The following RNLS variants were observed in gnomAD, a reference collection of about 807,000 sequenced individuals.
RNLS encodes renalase.
Under a neutral mutation model 39.8 loss-of-function variants are expected in RNLS, and 39 were observed. The ratio of observed to expected loss-of-function variants is 0.98; its 90% CI spans 0.76 to 1.28. The LOEUF is 1.28. Among genes scored for constraint, RNLS ranks in the 50% most tolerant of loss-of-function variants. The pLI is 0.00. For synonymous variants in RNLS, 147 were observed against 150.7 expected (o/e 0.98, Z 0.18); for missense variants, 410 against 413.3 (o/e 0.99, Z 0.07).
chr10:88,213,901 C>T, the RNLS span, among the ~76,000 whole-genome samples: 1 of 152,234 alleles, frequency 6.6e-6, no homozygotes, highest in Non-Finnish European at 1.5e-5. Flanking sequence ...ATCATTAGGT[C>T]ACTTTAATTT....
At chr10:88,571,307 G>GA (rs1031704892) in intron 4 of RNLS, among the ~76,000 whole-genome samples, 4 of 151,748 alleles carry the variant, frequency 2.6e-5, no homozygotes, top group African/African-American at 9.7e-5. Context: ...TATTACAAAA[G>GA]AAAAAAATAA....
In RNLS at chr10:88,328,046, T is replaced by C. The variant is rs530388174; in HGVS notation, c.701-13405A>G. Reference sequence around the variant, plus strand: ...GCCTCGCATCCTGAGTGGCTGAGACTACAGGCGTGCACCACCATACCCAGC... The same window carrying C: ...GCCTCGCATCCTGAGTGGCTGAGACCACAGGCGTGCACCACCATACCCAGC... On this transcript the variant is annotated intron_variant, in intron 5 of 6. Coordinates refer to ENST00000331772, the MANE Select transcript of RNLS (RefSeq NM_001031709.3). Among the ~76,000 whole-genome samples the C allele has an allele frequency of 9.2e-5, 14 of 152,166 alleles. No homozygotes were observed. The South Asian group carries it at 2.9e-3, about 32-fold the overall frequency.
rs145991110 is a variant in RNLS at position 88,360,217 on chromosome 10, A to AT, written c.700+2334dup. Among the ~76,000 whole-genome samples the AT allele has an allele frequency of 8.2e-3, 1,246 of 152,240 alleles. 20 individuals are homozygous for AT. The highest frequency in any genetic ancestry group is 0.029 in the South Asian group (140 of 4,830). Reference sequence around the variant, plus strand: ...CCTTCCTTCTTCCTAACAAAACTCTATTTTATTCAGGTAGCACTCCTCATA... The same window carrying AT: ...CCTTCCTTCTTCCTAACAAAACTCTATTTTTATTCAGGTAGCACTCCTCATA... On this transcript the variant is annotated intron_variant, in intron 5 of 6. Transcript: ENST00000331772.
chr10:88,472,978 T>G (rs1799175452), intron 4 of RNLS, among the ~76,000 whole-genome samples: 1 of 152,232 alleles, frequency 6.6e-6, no homozygotes, highest in Non-Finnish European at 1.5e-5. Context: ...AAGGCAATTT[T>G]GTTGTTTTGC....
At chr10:88,314,321 T>A (rs1385251179) in intron 6 of RNLS, 145 bp downstream of exon 6, 2 of 778,410 alleles carry the variant, frequency 2.6e-6, no homozygotes, top group Non-Finnish European at 4.0e-6. Flanking sequence ...AAGTTATATT[T>A]ATGTGTTGGG....
At chr10:88,252,659 G>A in the RNLS span, among the ~76,000 whole-genome samples, 2 of 100,390 alleles carry the variant, frequency 2.0e-5, no homozygotes, top group East Asian at 3.0e-4. Context: ...TAATCACCCT[G>A]TCCTTGGTCC....
intron 4 of RNLS, among the ~76,000 whole-genome samples, chr10:88,473,942 C>T (rs1273934118): frequency 6.6e-6 from 1 of 152,044 alleles, no homozygotes; most frequent in Non-Finnish European, 1.5e-5. Context: ...ACAGCATGTT[C>T]CAGAATATGC....
intron 4 of RNLS, among the ~76,000 whole-genome samples, chr10:88,485,669 A>T (rs983592933): frequency 4.7e-5 from 7 of 148,388 alleles, no homozygotes; most frequent in Admixed American, 4.7e-4. Context: ...AACGAATATG[A>T]GCCATTTGCA....
At chr10:88,278,009 T>G (rs1007982838) in intron 6 of RNLS, among the ~76,000 whole-genome samples, 2 of 152,188 alleles carry the variant, frequency 1.3e-5, no homozygotes, top group Non-Finnish European at 2.9e-5. Context: ...TATAAAGTTT[T>G]TATTGTTTCA....
At chr10:88,332,661 T>C in intron 5 of RNLS, among the ~76,000 whole-genome samples, 1 of 152,370 alleles carries the variant, frequency 6.6e-6, no homozygotes, top group Non-Finnish European at 1.5e-5. Flanking sequence ...AATTGTATTC[T>C]TGTCAGCAGA....
chr10:88,373,270 T>A (rs140208431), intron 4 of RNLS, among the ~76,000 whole-genome samples: 46 of 152,286 alleles, frequency 3.0e-4, no homozygotes, highest in African/African-American at 1.0e-3. Context: ...AAGCACTGTT[T>A]GCAAACACCT....
chr10:88,378,472 T>C (rs999669645), intron 4 of RNLS, among the ~76,000 whole-genome samples: 1 of 152,204 alleles, frequency 6.6e-6, no homozygotes, highest in Non-Finnish European at 1.5e-5. Context: ...AAATAAAATT[T>C]TAAAATATTA....
At chr10:88,317,887 G>A (rs1316403965) in intron 5 of RNLS, among the ~76,000 whole-genome samples, 1 of 152,186 alleles carries the variant, frequency 6.6e-6, no homozygotes. Flanking sequence ...CTGTGCTAAG[G>A]GGTAGTGGGT....
rs1178697645 is a variant in RNLS at position 88,533,317 on chromosome 10, GA to G, written c.526+39585del. 2.6e-5 allele frequency among the ~76,000 whole-genome samples: 4 copies of G among 151,988 alleles called. No homozygotes were observed. In the East Asian group the frequency reaches 7.7e-4, roughly 29 times the overall value. On this transcript the variant is annotated intron_variant, in intron 4 of 6. Coordinates refer to ENST00000331772, the MANE Select transcript of RNLS (RefSeq NM_001031709.3). ...CTTTTGGCTGAGGATAGAATAAAAG[GA>G]TAAAAGGAGGCAGCCTTGAAGGATG...
chr10:88,424,096 T>G (rs1022961162), intron 4 of RNLS, among the ~76,000 whole-genome samples: 1 of 152,204 alleles, frequency 6.6e-6, no homozygotes, highest in African/African-American at 2.4e-5. Flanking sequence ...GATTACCACA[T>G]GGCATGATGT....
At chr10:88,405,947 G>C (rs2133670483) in intron 4 of RNLS, among the ~76,000 whole-genome samples, 2 of 152,176 alleles carry the variant, frequency 1.3e-5, no homozygotes, top group South Asian at 4.1e-4. Context: ...GCATTTGCTT[G>C]TCTGAAAAAT....
chr10:88,479,008 T>C (rs1843992797), intron 4 of RNLS, among the ~76,000 whole-genome samples: 1 of 152,128 alleles, frequency 6.6e-6, no homozygotes, highest in South Asian at 2.1e-4. Context: ...TATTTCTTCA[T>C]CTGTAAGATG....
At chr10:88,565,330 C>T (rs1025777634) in intron 4 of RNLS, among the ~76,000 whole-genome samples, 1 of 152,018 alleles carries the variant, frequency 6.6e-6, no homozygotes, top group Non-Finnish European at 1.5e-5. Flanking sequence ...AAGCCTAAGA[C>T]GTCTAATAAT....
chr10:88,269,733 C>T (rs1436322669), downstream of RNLS, among the ~76,000 whole-genome samples: 2 of 152,182 alleles, frequency 1.3e-5, no homozygotes, highest in Non-Finnish European at 2.9e-5. Context: ...ACAATGTGTT[C>T]CTTCTTTAAC....
Sources: allele counts gnomAD v4.1 joint callset (sites outside exome capture counted in the v4.1 genomes callset), GRCh38; gene constraint gnomAD v4.1.1; transcripts MANE v1.5; gene names NCBI Gene and HGNC (gene_info 2026-07-23, HGNC 2026-07-21).